Variants in RPTOR observed in about 807,000 individuals in gnomAD.
The protein encoded by RPTOR is regulatory-associated protein of mTOR.
RPTOR carries 21 observed loss-of-function variants against 169.9 expected under a neutral mutation model. That is an observed-to-expected ratio of 0.12 (90% CI 0.09 to 0.18). RPTOR has a LOEUF of 0.18. RPTOR is among the 10% of genes least tolerant of loss of function. The probability of loss-of-function intolerance (pLI) is 1.00; values close to 1 mark genes in which losing one functional copy is unlikely to be tolerated. For synonymous variants in RPTOR, 732 were observed against 753.2 expected (o/e 0.97, Z 0.46); for missense variants, 1,133 against 1,855.9 (o/e 0.61, Z 7.16).
rs147970543 is a variant in RPTOR at position 80,610,464 on chromosome 17, G to C, written c.163-15227G>C. On this transcript the variant is annotated intron_variant, in intron 1 of 33. Transcript: ENST00000306801. Reference sequence around the variant, plus strand: ...AGATGACGGGGCTGAGATGCTGCCTGCTGTCTCCATGGTATGGGCAGGTAA... The same window carrying C: ...AGATGACGGGGCTGAGATGCTGCCTCCTGTCTCCATGGTATGGGCAGGTAA... 3.2e-4 allele frequency among the ~76,000 whole-genome samples: 48 copies of C among 152,282 alleles called. 1 individual carries two copies. Among genetic ancestry groups the C allele is most frequent in the African/African-American group, 1.1e-3 (45 of 41,558 alleles).
rs969168293 is a variant in RPTOR, at chr17:80,726,387, C to T, written c.508-4173C>T. Among the ~76,000 whole-genome samples the T allele has an allele frequency of 2.0e-5, 3 of 152,152 alleles. No individual in the cohort carries two copies. Among genetic ancestry groups the T allele is most frequent in the Admixed American group, 6.5e-5 (1 of 15,284 alleles). On this transcript the variant is annotated intron_variant, in intron 4 of 33. Transcript: ENST00000306801. This position sits in a 1 kb window ranked among gnomAD's most constrained non-coding sequence, Gnocchi z 4.5. ...TGCTCGCCGCCCACAGATCACGGGG[C>T]GTGGAGGGAGAGACTGCCAGTGCTG...
chr17:80,803,504 C>G lies in RPTOR; in HGVS notation c.890+11995C>G, dbSNP rs140754057. On this transcript the variant is annotated intron_variant, in intron 7 of 33. Coordinates refer to ENST00000306801, the MANE Select transcript of RPTOR (RefSeq NM_020761.3). The surrounding 1 kb of genome is among the most constrained non-coding windows in gnomAD (Gnocchi z 6.2). ...GTGGCCCTTCAGAGAAAGGCCTCCC[C>G]GTTCTGATGTGCGTGTGTTGTCTTC... The G allele has an allele frequency of 6.6e-6, 1 of 152,336 alleles. No homozygotes were observed. The highest frequency in any genetic ancestry group is 1.9e-4 in the East Asian group (1 of 5,190). 9.4% of individuals were successfully genotyped at this position (152,336 alleles called of 1,614,324 possible). A position where few individuals can be genotyped will look rare whatever the true frequency, so the allele number is the denominator to read the frequency against.
At chr17:80,927,012 T>C (rs1192684271) in intron 24 of RPTOR, among the ~76,000 whole-genome samples, 1 of 152,200 alleles carries the variant, frequency 6.6e-6, no homozygotes, top group Non-Finnish European at 1.5e-5. Flanking sequence ...GCGGGTGGCA[T>C]GAGGGTGGCG....
rs1039525487 is a variant in RPTOR at position 80,823,993 on chromosome 17, G to A, written c.1136+770G>A. Among the ~76,000 whole-genome samples, 7 of 152,186 alleles carry A rather than the reference G, an allele frequency of 4.6e-5. No individual in the cohort carries two copies. The highest frequency in any genetic ancestry group is 1.7e-4 in the African/African-American group (7 of 41,424). On this transcript the variant is annotated intron_variant, in intron 9 of 33. Coordinates refer to ENST00000306801, the MANE Select transcript of RPTOR (RefSeq NM_020761.3). The surrounding 1 kb of genome is among the most constrained non-coding windows in gnomAD (Gnocchi z 4.5). Reference sequence around the variant, plus strand: ...GCCTAGCCGCAGAAGCCATCATGTGGCGTATTTTCATGGCCAGGTTTATTT... The same window carrying A: ...GCCTAGCCGCAGAAGCCATCATGTGACGTATTTTCATGGCCAGGTTTATTT...
At chr17:80,899,357 C>G (rs572129732) in intron 20 of RPTOR, among the ~76,000 whole-genome samples, 44 of 152,332 alleles carry the variant, frequency 2.9e-4, no homozygotes, top group African/African-American at 9.6e-4. Context: ...TCTTTTAAAA[C>G]CTGTCTGCAG....
At chr17:80,848,205 AG>A (rs1425283777) in intron 11 of RPTOR, among the ~76,000 whole-genome samples, 1 of 152,230 alleles carries the variant, frequency 6.6e-6, no homozygotes, top group African/African-American at 2.4e-5. Flanking sequence ...GCTCCTCAGT[AG>A]GCCAAGGCGG....
intron 20 of RPTOR, among the ~76,000 whole-genome samples, chr17:80,903,698 A>G (rs1229488986): frequency 6.6e-6 from 1 of 152,178 alleles, no homozygotes; most frequent in African/African-American, 2.4e-5. Context: ...AGAAGCTGAA[A>G]GAGTCCTTAC....
intron 1 of RPTOR, among the ~76,000 whole-genome samples, chr17:80,578,236 T>A (rs2064983030): frequency 6.6e-6 from 1 of 152,130 alleles, no homozygotes; most frequent in South Asian, 2.1e-4. Flanking sequence ...TACATTTCAC[T>A]CCAGATGTCA....
In RPTOR at chr17:80,568,606, C is replaced by A. The variant is rs117716560; in HGVS notation, c.162+22815C>A. ...ACATTCTTGGATCTGTAGGATTATACTTTTCACCAAAATTTTGGAAAATGT... is the reference window on the plus strand; with the variant it reads ...ACATTCTTGGATCTGTAGGATTATAATTTTCACCAAAATTTTGGAAAATGT... On this transcript the variant is annotated intron_variant, in intron 1 of 33. Transcript: ENST00000306801. Among the ~76,000 whole-genome samples the A allele has an allele frequency of 2.7e-3, 411 of 152,338 alleles. 1 individual carries two copies. The highest frequency in any genetic ancestry group is 4.4e-3 in the Admixed American group (68 of 15,302).
intron 13 of RPTOR, among the ~76,000 whole-genome samples, chr17:80,871,321 G>T (rs2143799442): frequency 6.6e-6 from 1 of 152,274 alleles, no homozygotes; most frequent in South Asian, 2.1e-4. Flanking sequence ...ATGTTAGTCA[G>T]GATGGTCTCG....
chr17:80,583,197 T>TGTTTTTTTTTGG (rs1568318444), intron 1 of RPTOR, among the ~76,000 whole-genome samples: 1 of 102,286 alleles, frequency 9.8e-6, no homozygotes, highest in Non-Finnish European at 2.4e-5. Context: ...TTTTTTTTTT[T>TGTTTTTTTTTGG]TTTTTTTTTG....
intron 25 of RPTOR, among the ~76,000 whole-genome samples, chr17:80,942,546 G>A (rs966530953): frequency 9.2e-5 from 14 of 152,116 alleles, no homozygotes; most frequent in South Asian, 6.2e-4. Context: ...GCCAGCAGGC[G>A]TAGTGCCGGG....
chr17:80,634,365 GC>G (rs2065473739), intron 2 of RPTOR, among the ~76,000 whole-genome samples: 1 of 93,168 alleles, frequency 1.1e-5, no homozygotes, highest in Non-Finnish European at 2.2e-5. Flanking sequence ...TACTGTGTGT[GC>G]ATACTGTGTG....
In RPTOR at chr17:80,846,491, G is replaced by A; in HGVS notation, c.1231G>A (p.Glu411Lys). 1.2e-6 allele frequency: 2 copies of A among 1,614,166 alleles called. No homozygotes were observed. Among genetic ancestry groups the A allele is most frequent in the Non-Finnish European group, 1.7e-6 (2 of 1,180,038 alleles). The change falls in exon 11 of 34, where the codon GAG (glutamate) becomes AAG (lysine). Residue 411 changes from glutamate (E) to lysine (K), a missense_variant. Coordinates refer to ENST00000306801, the MANE Select transcript of RPTOR (RefSeq NM_020761.3). ...CCCGCAGCACAGCCCGTTCTTCGCC[G>A]AGCAGCTGACCGCATTCCAGGTGTG... is the stretch of plus-strand genomic sequence containing the variant. Reference protein sequence around the residue: ...TAFRHSPFFAEQLTAFQVWLT... With the variant: ...TAFRHSPFFAKQLTAFQVWLT...
At chr17:80,629,156 TC>T (rs1432219015) in intron 2 of RPTOR, among the ~76,000 whole-genome samples, 1 of 151,524 alleles carries the variant, frequency 6.6e-6, no homozygotes, top group Non-Finnish European at 1.5e-5. Context: ...CCGCAGCTCT[TC>T]CGTGTGTCTC....
chr17:80,880,641 TC>T, intron 14 of RPTOR, 152 bp downstream of exon 14: 1 of 661,370 alleles, frequency 1.5e-6, no homozygotes, highest in Non-Finnish European at 2.7e-6. Flanking sequence ...AGCAACTGCT[TC>T]ACGTTAGACA....
Position 80,708,605 on chromosome 17 carries a change from G to T in RPTOR, c.507+606G>T, listed in dbSNP as rs1409923919. 6.9e-6 allele frequency among the ~76,000 whole-genome samples: 1 copy of T among 145,222 alleles called. No individual in the cohort carries two copies. The highest frequency in any genetic ancestry group is 6.7e-5 in the Admixed American group (1 of 14,998). On this transcript the variant is annotated intron_variant, in intron 4 of 33. Coordinates refer to ENST00000306801, the MANE Select transcript of RPTOR (RefSeq NM_020761.3). This position sits in a 1 kb window ranked among gnomAD's most constrained non-coding sequence, Gnocchi z 4.2. ...CTGACTGTTGTCCCCACCCTCCAGG[G>T]TGTGGTGGGTGCTGACTGTCTCCTC... is the stretch of plus-strand genomic sequence containing the variant.
intron 3 of RPTOR, among the ~76,000 whole-genome samples, chr17:80,668,579 C>T (rs959250738): frequency 6.6e-6 from 1 of 152,206 alleles, no homozygotes; most frequent in Admixed American, 6.5e-5. Context: ...AGATGACACC[C>T]CCGTCTCCCA....
chr17:80,812,112 A>C (rs796591692), intron 7 of RPTOR, among the ~76,000 whole-genome samples: 14 of 152,378 alleles, frequency 9.2e-5, no homozygotes, highest in African/African-American at 3.4e-4. Flanking sequence ...CACTGTGCCC[A>C]GCCCTTGATT....
Sources: gnomAD v4.1 joint callset for allele counts (sites outside exome capture counted in the v4.1 genomes callset) on GRCh38, gnomAD v4.1.1 for gene constraint, Gnocchi (gnomAD v3.1) non-coding constraint, MANE v1.5 for transcripts, NCBI Gene and HGNC (gene_info 2026-07-23, HGNC 2026-07-21) for gene names.